Variants in GZMM observed in about 807,000 individuals in gnomAD.
The protein encoded by GZMM is HU-Met-1.
GZMM carries 23 observed loss-of-function variants against 19.2 expected under a neutral mutation model. That is an observed-to-expected ratio of 1.20 (90% CI 0.86 to 1.69). GZMM has a LOEUF of 1.69. Ranked by LOEUF, GZMM falls within the 40% of genes most tolerant of loss-of-function variation. The pLI is 0.00. For synonymous variants in GZMM, 178 were observed against 160.2 expected, an observed-to-expected ratio of 1.11 and a Z score of -0.84; for missense variants, 373 against 352.2, an observed-to-expected ratio of 1.06 and a Z score of -0.47.
rs768715164 is a variant in GZMM at position 547,380 on chromosome 19, G to T, written c.156G>T (p.Gly52=). The stretch of plus-strand genomic sequence containing the variant: ...AGAGAAATGGCTCCCACCTGTGCGG[G>T]GGTGTCCTGGTGCACCCAAAGTGGG... ...SLQRNGSHLC[G]GVLVHPKWVL... The change falls in exon 2 of 5, where the codon GGG becomes GGT. Residue 52 remains glycine (G), a synonymous_variant. Transcript: ENST00000264553. The T allele has an allele frequency of 6.4e-7, 1 of 1,551,860 alleles. No individual in the cohort carries two copies. The highest frequency in any genetic ancestry group is 1.9e-5 in the Admixed American group (1 of 52,552).
In GZMM at chr19:548,583, A is replaced by G; in HGVS notation, c.254A>G (p.Asp85Gly). 1 of 1,613,216 alleles carries G rather than the reference A, an allele frequency of 6.2e-7. No homozygotes were observed. Among genetic ancestry groups the G allele is most frequent in the Non-Finnish European group, 8.5e-7 (1 of 1,179,474 alleles). The change falls in exon 3 of 5, where the codon GAC (aspartate) becomes GGC (glycine). Residue 85 changes from aspartate to glycine, a missense_variant. Asp to Gly is a moderately conservative substitution (Grantham distance 94). Coordinates refer to ENST00000264553, the MANE Select transcript of GZMM (RefSeq NM_005317.4). ...LRLVLGLHTL[D>G]SPGLTFHIKA... Reference sequence around the variant, plus strand: ...CTGGTGCTGGGGCTCCACACCCTGGACAGCCCCGGTCTCACCTTCCACATC... The same window carrying G: ...CTGGTGCTGGGGCTCCACACCCTGGGCAGCCCCGGTCTCACCTTCCACATC...
In GZMM at chr19:549,638, G is replaced by A. The variant is rs778518334; in HGVS notation, c.621G>A (p.Ser207=). The A allele has an allele frequency of 1.1e-5, 17 of 1,611,928 alleles. No homozygotes were observed. Among genetic ancestry groups the A allele is most frequent in the South Asian group, 4.4e-5 (4 of 91,074 alleles). ...SKDQAPCKGD[S]GGPLVCGKGR... ...GTGTGTCGTCCCTGCAGGGTGACTC[G>A]GGCGGGCCCCTGGTGTGTGGCAAAG... The change falls in exon 5 of 5, where the codon TCG becomes TCA. Residue 207 remains serine (S), a synonymous_variant. Coordinates refer to ENST00000264553, the MANE Select transcript of GZMM (RefSeq NM_005317.4).
chr19:548,580 T>G lies in GZMM; in HGVS notation c.251T>G (p.Leu84Arg), dbSNP rs1337142110. ...QLRLVLGLHT[L>R]DSPGLTFHIK... ...AGGCTGGTGCTGGGGCTCCACACCC[T>G]GGACAGCCCCGGTCTCACCTTCCAC... is the stretch of plus-strand genomic sequence containing the variant. Residue 84 changes from leucine (L) to arginine (R), a missense_variant, in exon 3 of 5, where the codon CTG becomes CGG. Coordinates refer to ENST00000264553, the MANE Select transcript of GZMM (RefSeq NM_005317.4). 1.2e-6 allele frequency: 2 copies of G among 1,613,346 alleles called. No homozygotes were observed. The highest frequency in any genetic ancestry group is 2.7e-5 in the African/African-American group (2 of 74,962).
chr19:548,790 T>TC (rs1415513532), intron 3 of GZMM, 113 bp downstream of exon 3: 17 of 238,386 alleles, frequency 7.1e-5, no homozygotes, highest in Non-Finnish European at 1.2e-4. Flanking sequence ...CTGCTGCCCC[T>TC]CCCCCCGCAC....
chr19:549,412 G>A lies in GZMM; in HGVS notation c.613-218G>A, dbSNP rs112669870. ...CACAGCCGGGAAGCGGCAGAGCTGT[G>A]ACTTCTGCTCCAGCCAAGACGGTCC... On this transcript the variant is annotated intron_variant, in intron 4 of 4. Transcript: ENST00000264553. Among the ~76,000 whole-genome samples, 411 of 152,340 alleles carry A rather than the reference G, an allele frequency of 2.7e-3. 4 individuals are homozygous for A. Among genetic ancestry groups the A allele is most frequent in the African/African-American group, 9.2e-3 (384 of 41,564 alleles).
chr19:547,512 C>A, intron 2 of GZMM, 76 bp downstream of exon 2: 1 of 1,180,426 alleles, frequency 8.5e-7, no homozygotes, highest in Non-Finnish European at 1.1e-6. Flanking sequence ...AGGGGGTGGG[C>A]TCTGGGAGAT....
At position 549,863 on chromosome 19, in the gene GZMM, G is replaced by A; in HGVS notation, c.*72G>A. On this transcript the variant is annotated 3_prime_UTR_variant, in exon 5 of 5. Transcript: ENST00000264553. ...CCCCTCCAGGGGTGCAGTGGGGTGG[G>A]TGAGGACGGGTGGGAGGGACAGGGA... The A allele has an allele frequency of 1.8e-6, 1 of 553,244 alleles. No individual in the cohort carries two copies. Among genetic ancestry groups the A allele is most frequent in the South Asian group, 1.5e-5 (1 of 67,440 alleles). The allele number at this position is 553,244 out of a possible 1,614,324, so 34.3% of individuals were successfully genotyped here. A position where few individuals can be genotyped will look rare whatever the true frequency, so the allele number is the denominator to read the frequency against.
chr19:547,398 A>T lies in GZMM; in HGVS notation c.174A>T (p.Pro58=). The T allele has an allele frequency of 6.6e-7, 1 of 1,520,576 alleles. No homozygotes were observed. The highest frequency in any genetic ancestry group is 8.8e-7 in the Non-Finnish European group (1 of 1,133,806). 94.2% of individuals were successfully genotyped at this position (1,520,576 alleles called of 1,614,324 possible). ...TGTGCGGGGGTGTCCTGGTGCACCCAAAGTGGGTGCTGACGGCTGCCCACT... is the reference window on the plus strand; with the variant it reads ...TGTGCGGGGGTGTCCTGGTGCACCCTAAGTGGGTGCTGACGGCTGCCCACT... The part of the protein sequence containing the change: ...SHLCGGVLVH[P]KWVLTAAHCL... Residue 58 remains proline, a synonymous_variant, in exon 2 of 5, where the codon CCA becomes CCT. Transcript: ENST00000264553.
At chr19:545,538 G>A (rs747838244) in intron 1 of GZMM, among the ~76,000 whole-genome samples, 1 of 151,918 alleles carries the variant, frequency 6.6e-6, no homozygotes, top group Non-Finnish European at 1.5e-5. Flanking sequence ...GTAGAGACAG[G>A]GTTTCCCCGT....
At chr19:544,526 G>A (rs1034125172) in intron 1 of GZMM, among the ~76,000 whole-genome samples, 39 of 152,122 alleles carry the variant, frequency 2.6e-4, no homozygotes, top group African/African-American at 9.4e-4. Flanking sequence ...GCTGGGACTA[G>A]GTGCCCAGCA....
chr19:547,160 G>T (rs188296189), intron 1 of GZMM, 120 bp from the exon 2 acceptor site: 4 of 896,194 alleles, frequency 4.5e-6, no homozygotes, highest in Non-Finnish European at 6.4e-6. Context: ...GAACACTGGG[G>T]ACTTCATTAG....
chr19:545,221 G>A (rs931239230), intron 1 of GZMM, among the ~76,000 whole-genome samples: 25 of 151,996 alleles, frequency 1.6e-4, no homozygotes, highest in Admixed American at 9.8e-4. Flanking sequence ...TGTGCAGAGC[G>A]GAGGAAACAC....
intron 3 of GZMM, 40 bp from the exon 4 acceptor site, chr19:548,874 ACTCTCACC>A: frequency 1.7e-6 from 1 of 602,752 alleles, no homozygotes; most frequent in Non-Finnish European, 2.4e-6. Flanking sequence ...CCGCCCCCGC[ACTCTCACC>A]CCCTCCCCCT....
In GZMM at chr19:549,631, G is replaced by A. The variant is rs139484295; in HGVS notation, c.614G>A (p.Gly205Asp). ...AGCTGCGGTGTGTCGTCCCTGCAGGGTGACTCGGGCGGGCCCCTGGTGTGT... is the reference window on the plus strand; with the variant it reads ...AGCTGCGGTGTGTCGTCCCTGCAGGATGACTCGGGCGGGCCCCTGGTGTGT... ...ADSKDQAPCK[G>D]DSGGPLVCGK... The change falls in exon 5 of 5, where the codon GGT becomes GAT. Residue 205 changes from glycine to aspartate, a missense_variant and splice_region_variant. By Grantham distance (94) the Gly-to-Asp change is moderately conservative. Coordinates refer to ENST00000264553, the MANE Select transcript of GZMM (RefSeq NM_005317.4). 1 of 1,611,140 alleles carries A rather than the reference G, an allele frequency of 6.2e-7. No homozygotes were observed. Among genetic ancestry groups the A allele is most frequent in the Non-Finnish European group, 8.5e-7 (1 of 1,179,690 alleles).
chr19:548,485 G>T (rs529366828), intron 2 of GZMM, 57 bp from the exon 3 acceptor site: 2 of 1,575,290 alleles, frequency 1.3e-6, no homozygotes, highest in African/African-American at 2.7e-5. Flanking sequence ...GGGACTGCAT[G>T]TGGCGGGTCG....
intron 3 of GZMM, 34 bp downstream of exon 3, chr19:548,711 C>T: frequency 6.2e-7 from 1 of 1,604,634 alleles, no homozygotes; most frequent in Non-Finnish European, 8.5e-7. Context: ...AACTGGGCAC[C>T]CTCCTGTCCC....
At chr19:545,284 G>A (rs1486382628) in intron 1 of GZMM, among the ~76,000 whole-genome samples, 1 of 152,164 alleles carries the variant, frequency 6.6e-6, no homozygotes, top group African/African-American at 2.4e-5. Flanking sequence ...CATAAACCAA[G>A]GGAGGAAGCC....
rs771243383 is a variant in GZMM, at chr19:549,819, C to A, written c.*28C>A. On this transcript the variant is annotated 3_prime_UTR_variant, in exon 5 of 5. Transcript: ENST00000264553. ...CCCTGGGGTGATGGGGACCCCCTCG[C>A]TGTCTCCACAGGACCCTTCCCCTCC... 7.4e-7 allele frequency: 1 copy of A among 1,348,166 alleles called. No individual in the cohort carries two copies. The highest frequency in any genetic ancestry group is 1.1e-5 in the South Asian group (1 of 87,460). 83.5% of individuals were successfully genotyped at this position (1,348,166 alleles called of 1,614,324 possible).
At position 549,788 on chromosome 19, in the gene GZMM, C is replaced by T; in HGVS notation, c.771C>T (p.Ala257=). The T allele has an allele frequency of 6.7e-7, 1 of 1,488,564 alleles. No homozygotes were observed. The highest frequency in any genetic ancestry group is 9.1e-7 in the Non-Finnish European group (1 of 1,100,838). The allele number at this position is 1,488,564 out of a possible 1,614,324, so 92.2% of individuals were successfully genotyped here. Residue 257 remains alanine (A), a synonymous_variant, in exon 5 of 5, where the codon GCC becomes GCT. Transcript: ENST00000264553. ...TCAGGAAGGTCACCGGCCGATCGGC[C>T]TGATGCCCTGGGGTGATGGGGACCC... ...SWIRKVTGRS[A]
Sources: gnomAD v4.1 joint callset for allele counts (sites outside exome capture counted in the v4.1 genomes callset) on GRCh38, gnomAD v4.1.1 for gene constraint, MANE v1.5 for transcripts, NCBI Gene and HGNC (gene_info 2026-07-23, HGNC 2026-07-21) for gene names.